IL23R: variants seen among roughly 807,000 people sequenced by gnomAD.
IL23R encodes the protein interleukin-23 receptor.
In IL23R, 34 loss-of-function variants were observed where a neutral mutation model predicts 56.9. That is an observed-to-expected ratio of 0.60 (90% CI 0.45 to 0.80). IL23R has a LOEUF of 0.80. IL23R is among the 30% of genes least tolerant of loss of function. IL23R has a pLI of 0.00. For synonymous variants in IL23R, 230 were observed against 249.2 expected (o/e 0.92, Z 0.73); for missense variants, 635 against 730.0 (o/e 0.87, Z 1.50).
At chr1:67,198,737 G>A (rs1648371309) in intron 4 of IL23R, among the ~76,000 whole-genome samples, 1 of 152,206 alleles carries the variant, frequency 6.6e-6, no homozygotes, top group African/African-American at 2.4e-5. Flanking sequence ...TTGAGTTCAA[G>A]AGTTGGAGAC....
intron 7 of IL23R, among the ~76,000 whole-genome samples, chr1:67,228,990 G>A (rs557113616): frequency 5.0e-4 from 76 of 152,282 alleles, no homozygotes; most frequent in African/African-American, 1.8e-3. Flanking sequence ...GGTCACTTCT[G>A]TGACCTCTGA....
intron 9 of IL23R, among the ~76,000 whole-genome samples, chr1:67,255,122 T>C (rs962205453): frequency 5.9e-5 from 9 of 152,214 alleles, no homozygotes; most frequent in Non-Finnish European, 1.3e-4. Context: ...AACATTCTCT[T>C]TTTAAATATG....
intron 7 of IL23R, among the ~76,000 whole-genome samples, chr1:67,233,564 G>A (rs922534584): frequency 6.6e-6 from 1 of 152,136 alleles, no homozygotes; most frequent in African/African-American, 2.4e-5. Context: ...AAAAAATATA[G>A]TTGTTATGCT....
At chr1:67,168,526 T>C (rs1266792247) in intron 2 of IL23R, among the ~76,000 whole-genome samples, 1 of 152,220 alleles carries the variant, frequency 6.6e-6, no homozygotes, top group Non-Finnish European at 1.5e-5. Flanking sequence ...TGCAATTCTA[T>C]TTCACAAACC....
intron 1 of IL23R, among the ~76,000 whole-genome samples, chr1:67,154,288 C>A: frequency 6.6e-6 from 1 of 152,150 alleles, no homozygotes; most frequent in Non-Finnish European, 1.5e-5. Flanking sequence ...TGATCTGGAG[C>A]TGAGTTCAAG....
Position 67,190,962 on chromosome 1 carries a change from C to T in IL23R, c.491+8003C>T, listed in dbSNP as rs1403088418. On this transcript the variant is annotated intron_variant, in intron 4 of 10. Transcript: ENST00000347310. The stretch of plus-strand genomic sequence containing the variant: ...ATTCCAAATACTATTTTTAAGGCTA[C>T]GTTAGGTTTCAGTAATTCCTTTAGG... 5.9e-5 allele frequency among the ~76,000 whole-genome samples: 9 copies of T among 152,230 alleles called. No individual in the cohort carries two copies. In the East Asian group the frequency reaches 1.3e-3, roughly 23 times the overall value.
upstream of IL23R, among the ~76,000 whole-genome samples, chr1:67,162,500 A>G (rs1342089922): frequency 3.3e-5 from 5 of 152,162 alleles, no homozygotes; most frequent in African/African-American, 9.6e-5. Context: ...ATTTATGTTC[A>G]AGAGGATAGC....
At chr1:67,186,629 G>A (rs1052003216) in intron 4 of IL23R, among the ~76,000 whole-genome samples, 2 of 152,132 alleles carry the variant, frequency 1.3e-5, no homozygotes, top group African/African-American at 4.8e-5. Flanking sequence ...TTAGTATAAT[G>A]TCTTCAAGGT....
intron 2 of IL23R, among the ~76,000 whole-genome samples, chr1:67,168,624 T>C (rs2102554587): frequency 6.6e-6 from 1 of 152,298 alleles, no homozygotes; most frequent in African/African-American, 2.4e-5. Context: ...ATTCAAACTT[T>C]ACTGAAAAAA....
At chr1:67,171,007 C>A (rs1209554991) in intron 3 of IL23R, among the ~76,000 whole-genome samples, 5 of 152,214 alleles carry the variant, frequency 3.3e-5, no homozygotes, top group Non-Finnish European at 7.3e-5. Context: ...TGCCTTAAAG[C>A]TGCTAAACTT....
At chr1:67,197,376 T>A (rs1201729537) in intron 4 of IL23R, among the ~76,000 whole-genome samples, 2 of 152,114 alleles carry the variant, frequency 1.3e-5, no homozygotes, top group African/African-American at 4.8e-5. Flanking sequence ...TGGGAATAAG[T>A]TGGATGTAGT....
At chr1:67,245,003 A>T (rs559175352) in intron 9 of IL23R, among the ~76,000 whole-genome samples, 1 of 152,216 alleles carries the variant, frequency 6.6e-6, no homozygotes, top group African/African-American at 2.4e-5. Context: ...AGTGGTTTGT[A>T]GTTCTTTTTG....
chr1:67,234,430 G>A (rs2100302249), intron 7 of IL23R, among the ~76,000 whole-genome samples: 1 of 152,106 alleles, frequency 6.6e-6, no homozygotes, highest in Non-Finnish European at 1.5e-5. Context: ...TTCCCTGTTA[G>A]GGCTAATAAA....
rs1651503567 is a variant in IL23R at position 67,236,802 on chromosome 1, G to T, written c.1045G>T (p.Asp349Tyr). The change falls in exon 8 of 11, where the codon GAC (aspartate) becomes TAC (tyrosine). Residue 349 changes from aspartate to tyrosine, a missense_variant and splice_region_variant. Transcript: ENST00000347310. The part of the protein sequence containing the change: ...ASISTGHLTS[D>Y]NRGDIGLLLG... ...CATCTCTACAGGGCACCTTACTTCT[G>T]GTAAGAAAATACAACTTAGGCTTTT... is the stretch of plus-strand genomic sequence containing the variant. 1.3e-6 allele frequency: 2 copies of T among 1,594,498 alleles called. No homozygotes were observed. Among genetic ancestry groups the T allele is most frequent in the Non-Finnish European group, 1.7e-6 (2 of 1,162,312 alleles).
chr1:67,206,658 G>A (rs1346788785), intron 5 of IL23R, among the ~76,000 whole-genome samples: 1 of 151,724 alleles, frequency 6.6e-6, no homozygotes, highest in East Asian at 1.9e-4. Context: ...GTGGGGGAAA[G>A]ACAGGACTAT....
intron 4 of IL23R, among the ~76,000 whole-genome samples, chr1:67,184,094 C>A (rs930114213): frequency 3.3e-5 from 5 of 150,594 alleles, no homozygotes; most frequent in Non-Finnish European, 5.9e-5. Flanking sequence ...ATTAGCTGGG[C>A]GTGGTGGTGG....
At chr1:67,250,166 T>A (rs1249447340) in intron 9 of IL23R, among the ~76,000 whole-genome samples, 1 of 152,224 alleles carries the variant, frequency 6.6e-6, no homozygotes, top group Non-Finnish European at 1.5e-5. Context: ...ACACCTTGCA[T>A]GTAAATCTAT....
Position 67,259,350 on chromosome 1 carries a change from A to C in IL23R, c.*222A>C. On this transcript the variant is annotated 3_prime_UTR_variant, in exon 11 of 11. Coordinates refer to ENST00000347310, the MANE Select transcript of IL23R (RefSeq NM_144701.3). ...TCAGTTCTACCAATCTTGTTTCCAG[A>C]GTAGTGACATTTCTGTGCTCCTACC... is the stretch of plus-strand genomic sequence containing the variant. 1 of 540,522 alleles carries C rather than the reference A, an allele frequency of 1.9e-6. No individual in the cohort carries two copies. Among genetic ancestry groups the C allele is most frequent in the Middle Eastern group, 4.4e-4 (1 of 2,274 alleles). 33.5% of individuals were successfully genotyped at this position (540,522 alleles called of 1,614,324 possible).
At chr1:67,148,829 C>G (rs992386038) in intron 1 of IL23R, among the ~76,000 whole-genome samples, 2 of 152,126 alleles carry the variant, frequency 1.3e-5, no homozygotes, top group Non-Finnish European at 2.9e-5. Flanking sequence ...AGTGTTAGAA[C>G]GGCTCTGAAC....
Sources: allele counts gnomAD v4.1 joint callset (sites outside exome capture counted in the v4.1 genomes callset), GRCh38; gene constraint gnomAD v4.1.1; transcripts MANE v1.5; gene names NCBI Gene and HGNC (gene_info 2026-07-23, HGNC 2026-07-21).